The following PARL variants were observed in gnomAD, a reference collection of about 807,000 sequenced individuals.
PARL encodes presenilin-associated rhomboid-like protein, mitochondrial.
A neutral mutation model predicts 51.6 loss-of-function variants in PARL; 44 were observed. That is an observed-to-expected ratio of 0.85 (90% CI 0.67 to 1.10). PARL has a LOEUF of 1.10. PARL is among the 50% of genes least tolerant of loss of function. PARL has a pLI of 0.00. For missense variants in PARL, 441 were observed against 469.5 expected (o/e 0.94, Z 0.56); for synonymous variants, 172 against 164.0 (o/e 1.05, Z -0.37).
At chr3:183,836,807 G>T (rs1190785856) in intron 7 of PARL, among the ~76,000 whole-genome samples, 5 of 152,014 alleles carry the variant, frequency 3.3e-5, no homozygotes, top group African/African-American at 1.2e-4. Flanking sequence ...GCGGTGGCAC[G>T]ATCTCACTGC....
At chr3:183,855,063 T>C (rs964502196) in intron 4 of PARL, among the ~76,000 whole-genome samples, 6 of 152,094 alleles carry the variant, frequency 3.9e-5, no homozygotes, top group Non-Finnish European at 5.9e-5. Flanking sequence ...CCACATATTA[T>C]GTGACTTGAT....
intron 7 of PARL, among the ~76,000 whole-genome samples, chr3:183,836,038 A>G (rs1000462129): frequency 1.3e-5 from 2 of 151,812 alleles, no homozygotes; most frequent in African/African-American, 2.4e-5. Flanking sequence ...ACCAACATGA[A>G]GAAACCCAGT....
chr3:183,856,882 G>C (rs1191212293), intron 4 of PARL, among the ~76,000 whole-genome samples: 1 of 152,082 alleles, frequency 6.6e-6, no homozygotes, highest in Non-Finnish European at 1.5e-5. Context: ...TATATTCTTT[G>C]ACCCAGCAAT....
At chr3:183,883,927 C>A (rs11918588) in intron 1 of PARL, among the ~76,000 whole-genome samples, 50,660 of 151,994 alleles carry the variant, frequency 0.33, 9,105 homozygotes, top group East Asian at 0.53. Context: ...GACTATCCCA[C>A]GTGTTGATAA....
At chr3:183,839,516 T>C (rs1243101381) in intron 7 of PARL, among the ~76,000 whole-genome samples, 3 of 151,866 alleles carry the variant, frequency 2.0e-5, no homozygotes, top group African/African-American at 7.3e-5. Context: ...CCCGCTGGGT[T>C]CAAGTAATTC....
downstream of PARL, among the ~76,000 whole-genome samples, chr3:183,827,961 G>C (rs926043977): frequency 9.9e-5 from 15 of 152,242 alleles, no homozygotes; most frequent in African/African-American, 3.4e-4. Context: ...CAGTGGAGGC[G>C]GCACAGCCCA....
chr3:183,843,948 A>G (rs1376951398), intron 5 of PARL, among the ~76,000 whole-genome samples: 1 of 152,178 alleles, frequency 6.6e-6, no homozygotes, highest in Non-Finnish European at 1.5e-5. Context: ...CTGAGGCAGG[A>G]GAATCACTTG....
chr3:183,844,330 C>T lies in PARL; in HGVS notation c.512-4G>A, dbSNP rs1729698579. ...AGGACATTTGCAGCTATAATACCTA[C>T]AAAATAAATATTTATAATTTAGGGA... On this transcript the variant is annotated splice_region_variant and splice_polypyrimidine_tract_variant and intron_variant, in intron 4 of 9. Coordinates refer to ENST00000317096, the MANE Select transcript of PARL (RefSeq NM_018622.7). 3.3e-6 allele frequency: 5 copies of T among 1,528,204 alleles called. No homozygotes were observed. In the South Asian group the frequency reaches 3.4e-5, roughly 10 times the overall value. 94.7% of individuals were successfully genotyped at this position (1,528,204 alleles called of 1,614,324 possible).
At chr3:183,863,860 T>A (rs1348008539) in intron 3 of PARL, among the ~76,000 whole-genome samples, 1 of 152,260 alleles carries the variant, frequency 6.6e-6, no homozygotes, top group Admixed American at 6.5e-5. Flanking sequence ...TTCAAACTTC[T>A]TTAATGGGCA....
intron 1 of PARL, among the ~76,000 whole-genome samples, chr3:183,876,610 TAAAAAAAAAAAAAAAA>T (rs576376716): frequency 1.1e-5 from 1 of 91,828 alleles, no homozygotes; most frequent in South Asian, 3.9e-4. Context: ...ATACATTTTG[TAAAAAAAAAAAAAAAA>T]AAAAAAAAAA....
At chr3:183,835,132 A>G (rs751635261) in intron 7 of PARL, among the ~76,000 whole-genome samples, 5 of 147,958 alleles carry the variant, frequency 3.4e-5, no homozygotes, top group Non-Finnish European at 7.4e-5. Context: ...ACTTTCCATA[A>G]GTTTTTAATT....
In PARL at chr3:183,842,363, C is replaced by T; in HGVS notation, c.692G>A (p.Ser231Asn). 6.2e-7 allele frequency: 1 copy of T among 1,613,770 alleles called. No homozygotes were observed. Among genetic ancestry groups the T allele is most frequent in the Non-Finnish European group, 8.5e-7 (1 of 1,179,876 alleles). The change falls in exon 6 of 10, where the codon AGC becomes AAC. Residue 231 changes from serine (S) to asparagine (N), a missense_variant. Ser to Asn is a conservative substitution (Grantham distance 46, BLOSUM62 1). Transcript: ENST00000317096. ...AATGTTCACTATGCTGGAAGAGAAG[C>T]TCCACAAAACATACATATTTGCTGC... Reference protein sequence around the residue: ...HMAANMYVLWSFSSSIVNILG... With the variant: ...HMAANMYVLWNFSSSIVNILG...
At position 183,844,245 on chromosome 3, in the gene PARL, G is replaced by A. The variant is rs747639206; in HGVS notation, c.593C>T (p.Ser198Leu). ...LQRTMIRYFTSNPASKVLCSP... is the reference protein window; with the variant it reads ...LQRTMIRYFTLNPASKVLCSP... ...GTTAGACTTACTTGAGGCTGGATTC[G>A]ATGTGAAATATCTGATCATTGTCCG... The change falls in exon 5 of 10, where the codon TCG becomes TTG. Residue 198 changes from serine to leucine, a missense_variant. Transcript: ENST00000317096. 4.5e-5 allele frequency: 72 copies of A among 1,596,204 alleles called. No individual in the cohort carries two copies. Among genetic ancestry groups the A allele is most frequent in the Non-Finnish European group, 5.8e-5 (68 of 1,164,968 alleles).
chr3:183,871,969 A>G (rs1167441174), intron 1 of PARL, among the ~76,000 whole-genome samples: 2 of 151,806 alleles, frequency 1.3e-5, no homozygotes, highest in Admixed American at 1.3e-4. Context: ...ATAATAGCAT[A>G]GCTACTACTA....
chr3:183,838,521 C>T (rs1031441334), intron 7 of PARL, among the ~76,000 whole-genome samples: 9 of 152,218 alleles, frequency 5.9e-5, no homozygotes, highest in South Asian at 2.1e-4. Context: ...CCTACCACGG[C>T]GCTGTAGGAT....
At position 183,872,182 on chromosome 3, in the gene PARL, A is replaced by G. The variant is rs543958730; in HGVS notation, c.126-4122T>C. Among the ~76,000 whole-genome samples, 6 of 152,112 alleles carry G rather than the reference A, an allele frequency of 3.9e-5. No homozygotes were observed. The South Asian group carries it at 1.2e-3, about 32-fold the overall frequency. ...ACACCTGGCTAATTTTTTTGTATTT[A>G]GTAGAGACGAGGTTTTACCACGTTA... On this transcript the variant is annotated intron_variant, in intron 1 of 9. Transcript: ENST00000317096.
chr3:183,873,962 C>T (rs1225186210), intron 1 of PARL, among the ~76,000 whole-genome samples: 1 of 152,134 alleles, frequency 6.6e-6, no homozygotes, highest in Non-Finnish European at 1.5e-5. Flanking sequence ...CACACACAGG[C>T]ATACCTCGAT....
chr3:183,833,628 G>T (rs1386421059), intron 8 of PARL, 39 bp from the exon 9 acceptor site: 2 of 1,510,136 alleles, frequency 1.3e-6, no homozygotes, highest in Non-Finnish European at 1.8e-6. Flanking sequence ...AACTGTGATT[G>T]CTCCAGCACT....
chr3:183,868,689 A>T (rs2108683064), intron 1 of PARL, among the ~76,000 whole-genome samples: 1 of 152,356 alleles, frequency 6.6e-6, no homozygotes, highest in Admixed American at 6.5e-5. Context: ...GACTACAGGC[A>T]TGAGCCATGG....
Sources: allele counts gnomAD v4.1 joint callset (sites outside exome capture counted in the v4.1 genomes callset), GRCh38; gene constraint gnomAD v4.1.1; transcripts MANE v1.5; gene names NCBI Gene and HGNC (gene_info 2026-07-23, HGNC 2026-07-21).